The following CHRM5 variants were observed in gnomAD, a reference collection of about 807,000 sequenced individuals.
CHRM5 encodes muscarinic acetylcholine receptor M5.
Under a neutral mutation model 39.0 loss-of-function variants are expected in CHRM5, and 18 were observed. That is an observed-to-expected ratio of 0.46 (90% CI 0.32 to 0.68). The LOEUF is 0.68. Among genes scored for constraint, CHRM5 ranks in the 30% least tolerant of loss-of-function variants. The pLI is 0.04. For missense variants in CHRM5, 515 were observed against 651.1 expected (o/e 0.79, Z 2.28); for synonymous variants, 241 against 246.3 (o/e 0.98, Z 0.20).
intron 1 of CHRM5, among the ~76,000 whole-genome samples, chr15:34,012,393 G>A (rs1897675396): frequency 6.6e-6 from 1 of 152,080 alleles, no homozygotes; most frequent in Admixed American, 6.6e-5. Context: ...TAAATACCCT[G>A]AGCATTTCTG....
intron 1 of CHRM5, among the ~76,000 whole-genome samples, chr15:33,992,292 A>T (rs1896757548): frequency 6.6e-6 from 1 of 151,990 alleles, no homozygotes; most frequent in South Asian, 2.1e-4. Flanking sequence ...CGGGAGGCTG[A>T]GGGAGGAGAA....
intron 1 of CHRM5, among the ~76,000 whole-genome samples, chr15:34,013,848 C>T (rs1034999755): frequency 6.6e-6 from 1 of 152,044 alleles, no homozygotes; most frequent in Non-Finnish European, 1.5e-5. Context: ...GACCCATGAG[C>T]GAGAAACAGT....
intron 1 of CHRM5, among the ~76,000 whole-genome samples, chr15:34,036,968 G>A (rs1899158850): frequency 6.6e-6 from 1 of 152,028 alleles, no homozygotes; most frequent in Admixed American, 6.6e-5. Context: ...AATTAGCCGG[G>A]CAAGGTGGCT....
chr15:34,060,154 G>A (rs1477692634), intron 2 of CHRM5, among the ~76,000 whole-genome samples: 1 of 152,160 alleles, frequency 6.6e-6, no homozygotes, highest in African/African-American at 2.4e-5. Flanking sequence ...TCTACCTAAT[G>A]ACCTGGCAAC....
chr15:34,043,495 A>G (rs1899563057), intron 1 of CHRM5, among the ~76,000 whole-genome samples: 1 of 152,188 alleles, frequency 6.6e-6, no homozygotes, highest in Admixed American at 6.5e-5. Flanking sequence ...GTCTTTATTT[A>G]CTATGTTGTT....
intron 1 of CHRM5, among the ~76,000 whole-genome samples, chr15:34,020,001 C>T (rs957530222): frequency 2.0e-5 from 3 of 152,110 alleles, no homozygotes; most frequent in African/African-American, 7.2e-5. Flanking sequence ...TTTTAAACAC[C>T]TTTTCCATGC....
intron 2 of CHRM5, among the ~76,000 whole-genome samples, chr15:34,061,220 C>T (rs1900326426): frequency 6.6e-6 from 1 of 152,022 alleles, no homozygotes; most frequent in Admixed American, 6.6e-5. Flanking sequence ...CTACAATTTA[C>T]CCTTTAGTAC....
chr15:34,010,636 T>C (rs1450262726), intron 1 of CHRM5, among the ~76,000 whole-genome samples: 3 of 152,140 alleles, frequency 2.0e-5, no homozygotes, highest in African/African-American at 7.2e-5. Flanking sequence ...AATTATATCA[T>C]AGAGGTGAAT....
chr15:33,983,223 T>TATACACAC (rs1175801204), intron 1 of CHRM5, among the ~76,000 whole-genome samples: 3 of 110,626 alleles, frequency 2.7e-5, no homozygotes, highest in African/African-American at 1.2e-4. Flanking sequence ...TACATATATA[T>TATACACAC]ACACACACAT....
intron 1 of CHRM5, among the ~76,000 whole-genome samples, chr15:33,999,223 C>T (rs1185399097): frequency 1.3e-5 from 2 of 152,222 alleles, no homozygotes; most frequent in Admixed American, 1.3e-4. Flanking sequence ...GGGTCATCTT[C>T]ACTGGCTGAG....
intron 1 of CHRM5, among the ~76,000 whole-genome samples, chr15:34,006,584 T>G (rs1005404010): frequency 7.9e-5 from 12 of 152,176 alleles, no homozygotes; most frequent in African/African-American, 2.9e-4. Flanking sequence ...ATTAATGCAG[T>G]GAAACAAGCA....
chr15:34,008,833 G>A (rs1221965337), intron 1 of CHRM5, among the ~76,000 whole-genome samples: 1 of 152,042 alleles, frequency 6.6e-6, no homozygotes, highest in East Asian at 1.9e-4. Context: ...AACTTCTAGT[G>A]TATATGCAAA....
chr15:33,983,156 G>GTGTA (rs1299043179), intron 1 of CHRM5, among the ~76,000 whole-genome samples: 3 of 102,408 alleles, frequency 2.9e-5, no homozygotes, highest in African/African-American at 4.9e-5. Context: ...GTGTGTGTGT[G>GTGTA]TGTATGTGTG....
intron 1 of CHRM5, among the ~76,000 whole-genome samples, chr15:33,977,944 AAAAAG>A (rs564277192): frequency 1.3e-5 from 2 of 151,906 alleles, no homozygotes; most frequent in Non-Finnish European, 2.9e-5. Flanking sequence ...AAAACAGAGA[AAAAAG>A]AAAAGAAAAG....
In CHRM5 at chr15:34,051,160, C is replaced by T. The variant is rs190439003; in HGVS notation, c.-76+4289C>T. 6.7e-4 allele frequency among the ~76,000 whole-genome samples: 102 copies of T among 152,198 alleles called. 1 individual carries two copies. The highest frequency in any genetic ancestry group is 5.8e-3 in the Admixed American group (89 of 15,284). On this transcript the variant is annotated intron_variant, in intron 2 of 2. Coordinates refer to ENST00000383263, the MANE Select transcript of CHRM5 (RefSeq NM_012125.4). ...ATAATAATAGTCTGTCAGACCACAG[C>T]GCAATCAAATTAGAACTCAAGATTA...
chr15:34,010,582 T>C (rs1897594519), intron 1 of CHRM5, among the ~76,000 whole-genome samples: 1 of 23,268 alleles, frequency 4.3e-5, no homozygotes, highest in South Asian at 0.024. Flanking sequence ...TCAAAAACAT[T>C]CACACCATTT....
rs1434986083 is a variant in CHRM5, at chr15:34,063,935, C to T, written c.1218C>T (p.Pro406=). The T allele has an allele frequency of 1.9e-6, 3 of 1,614,180 alleles. No homozygotes were observed. Among genetic ancestry groups the T allele is most frequent in the South Asian group, 2.2e-5 (2 of 91,080 alleles). ...GCHKVKIMPC[P]FPVAKEPSTK... ...ACAAGGTGAAAATCATGCCCTGCCC[C>T]TTCCCAGTGGCCAAGGAACCTTCAA... The change falls in exon 3 of 3, where the codon CCC becomes CCT. Residue 406 remains proline (P), a synonymous_variant. Transcript: ENST00000383263. The surrounding 1 kb of genome is among the most constrained non-coding windows in gnomAD (Gnocchi z 4.1).
chr15:33,988,633 G>A (rs187341413), intron 1 of CHRM5, among the ~76,000 whole-genome samples: 1 of 152,140 alleles, frequency 6.6e-6, no homozygotes, highest in Non-Finnish European at 1.5e-5. Context: ...ACACACACAC[G>A]TCTTGCCTAT....
intron 1 of CHRM5, among the ~76,000 whole-genome samples, chr15:33,976,092 T>G (rs976722869): frequency 6.6e-6 from 1 of 152,196 alleles, no homozygotes; most frequent in Non-Finnish European, 1.5e-5. Context: ...GCTCAAGTAT[T>G]TAAGCTTGAA....
Sources: allele counts gnomAD v4.1 joint callset (sites outside exome capture counted in the v4.1 genomes callset), GRCh38; gene constraint gnomAD v4.1.1; non-coding constraint Gnocchi (gnomAD v3.1); transcripts MANE v1.5; gene names NCBI Gene and HGNC (gene_info 2026-07-23, HGNC 2026-07-21).